STK32B: variants seen among roughly 807,000 people sequenced by gnomAD.
STK32B encodes serine/threonine kinase 32B, also known as serine/threonine-protein kinase 32B.
A neutral mutation model predicts 52.6 loss-of-function variants in STK32B; 43 were observed. That is an observed-to-expected ratio of 0.82 (90% confidence interval 0.64 to 1.05). The LOEUF is 1.05. Ranked by LOEUF, STK32B falls within the 50% of genes least tolerant of loss-of-function variation. The pLI is 0.00. For missense variants in STK32B, 621 were observed against 534.6 expected (o/e 1.16, Z -1.59); for synonymous variants, 238 against 204.3 (o/e 1.17, Z -1.41).
At chr4:5,170,196 C>A (rs564186598) in intron 3 of STK32B, among the ~76,000 whole-genome samples, 4 of 152,278 alleles carry the variant, frequency 2.6e-5, no homozygotes, top group African/African-American at 7.2e-5. Context: ...TCAGGTGGGA[C>A]TCCTTAAGGT....
chr4:5,128,049 A>G (rs1213221257), intron 1 of STK32B, among the ~76,000 whole-genome samples: 1 of 152,146 alleles, frequency 6.6e-6, no homozygotes, highest in Non-Finnish European at 1.5e-5. Flanking sequence ...TTCCTTTATA[A>G]ATTACCCAGT....
At chr4:5,279,848 C>T (rs867200478) in intron 3 of STK32B, among the ~76,000 whole-genome samples, 19 of 152,172 alleles carry the variant, frequency 1.2e-4, no homozygotes, top group African/African-American at 4.6e-4. Context: ...TACCTTTGCC[C>T]CTTTTAGTCA....
intron 3 of STK32B, among the ~76,000 whole-genome samples, chr4:5,174,176 A>G (rs992180335): frequency 6.6e-6 from 1 of 151,808 alleles, no homozygotes; most frequent in African/African-American, 2.4e-5. Flanking sequence ...CCATCTTTCT[A>G]TTTTGAGCCT....
intron 3 of STK32B, among the ~76,000 whole-genome samples, chr4:5,196,949 C>T (rs1721728619): frequency 6.6e-6 from 1 of 151,976 alleles, no homozygotes; most frequent in South Asian, 2.1e-4. Context: ...ATATGATGCC[C>T]CGTCCTCTCC....
intron 1 of STK32B, among the ~76,000 whole-genome samples, chr4:5,087,554 A>G (rs1418381316): frequency 6.6e-6 from 1 of 152,068 alleles, no homozygotes; most frequent in Admixed American, 6.5e-5. Context: ...AACTCATTTT[A>G]AATTCCAAGG....
chr4:5,481,266 A>G (rs1450394963), intron 11 of STK32B, among the ~76,000 whole-genome samples: 1 of 152,190 alleles, frequency 6.6e-6, no homozygotes, highest in East Asian at 1.9e-4. Context: ...CTTTTTAATG[A>G]TTGCCATTCT....
At chr4:5,215,734 C>T (rs1167733458) in intron 3 of STK32B, among the ~76,000 whole-genome samples, 2 of 151,980 alleles carry the variant, frequency 1.3e-5, no homozygotes, top group South Asian at 2.1e-4. Context: ...TCCTTTAAAC[C>T]CTCAGAGCAG....
Position 5,499,109 on chromosome 4 carries a change from G to C in STK32B, c.*26G>C. The C allele has an allele frequency of 6.3e-7, 1 of 1,594,264 alleles. No homozygotes were observed. Among genetic ancestry groups the C allele is most frequent in the South Asian group, 1.1e-5 (1 of 87,770 alleles). ...GCCCACACTTGTTGCTGCTCAACAGGACTGCACTCGTCTCTGCCCTGCCCA... is the reference window on the plus strand; with the variant it reads ...GCCCACACTTGTTGCTGCTCAACAGCACTGCACTCGTCTCTGCCCTGCCCA... On this transcript the variant is annotated 3_prime_UTR_variant, in exon 12 of 12. Coordinates refer to ENST00000282908, the MANE Select transcript of STK32B (RefSeq NM_018401.3).
chr4:5,126,298 C>G (rs547174457), intron 1 of STK32B, among the ~76,000 whole-genome samples: 7 of 152,214 alleles, frequency 4.6e-5, no homozygotes, highest in Non-Finnish European at 7.3e-5. Flanking sequence ...TTTTTCTTCT[C>G]TCCCTCCATC....
At chr4:5,293,804 T>A (rs1015135670) in intron 3 of STK32B, among the ~76,000 whole-genome samples, 3 of 152,168 alleles carry the variant, frequency 2.0e-5, no homozygotes, top group African/African-American at 7.2e-5. Context: ...GAGATCTCAT[T>A]TGTTCATTTT....
intron 1 of STK32B, among the ~76,000 whole-genome samples, chr4:5,128,765 C>T (rs1715569616): frequency 6.6e-6 from 1 of 152,210 alleles, no homozygotes; most frequent in Non-Finnish European, 1.5e-5. Context: ...AGAATGGATA[C>T]TGGCCAGGAG....
At chr4:5,135,134 G>A (rs889640007) in intron 1 of STK32B, among the ~76,000 whole-genome samples, 43 of 152,348 alleles carry the variant, frequency 2.8e-4, no homozygotes, top group Admixed American at 2.5e-3. Context: ...AATCAGACCA[G>A]TGTTGTATCA....
chr4:5,402,566 T>G (rs1352722820), intron 5 of STK32B, among the ~76,000 whole-genome samples: 1 of 152,134 alleles, frequency 6.6e-6, no homozygotes, highest in Admixed American at 6.5e-5. Flanking sequence ...GAAGGCAGAG[T>G]CCCTGTGGCC....
chr4:5,101,422 G>A (rs1713782447), intron 1 of STK32B, among the ~76,000 whole-genome samples: 2 of 152,140 alleles, frequency 1.3e-5, no homozygotes, highest in Admixed American at 6.5e-5. Flanking sequence ...AAAAATAAAA[G>A]AAAATTACTT....
intron 3 of STK32B, among the ~76,000 whole-genome samples, chr4:5,330,384 CAAA>C (rs1560325343): frequency 2.6e-5 from 4 of 152,160 alleles, no homozygotes; most frequent in African/African-American, 9.7e-5. Flanking sequence ...TTAGAAAGCC[CAAA>C]TGCATTTTGT....
At chr4:5,298,040 C>T (rs938428275) in intron 3 of STK32B, among the ~76,000 whole-genome samples, 4 of 152,150 alleles carry the variant, frequency 2.6e-5, no homozygotes, top group African/African-American at 7.2e-5. Flanking sequence ...CAGTCAGGCC[C>T]CTCTTCTGCA....
intron 4 of STK32B, among the ~76,000 whole-genome samples, chr4:5,332,199 A>C (rs1023075587): frequency 5.3e-5 from 8 of 152,238 alleles, no homozygotes; most frequent in African/African-American, 1.9e-4. Flanking sequence ...CCATTAAATG[A>C]CAGTAAGGAA....
intron 3 of STK32B, among the ~76,000 whole-genome samples, chr4:5,171,175 T>G (rs6815160): frequency 0.26 from 39,758 of 151,364 alleles, 5,478 homozygotes; most frequent in East Asian, 0.36. Context: ...TCTTGTAAAT[T>G]TGTTTGAGTT....
intron 2 of STK32B, among the ~76,000 whole-genome samples, chr4:5,156,488 A>G (rs557290658): frequency 6.6e-6 from 1 of 152,084 alleles, no homozygotes; most frequent in African/African-American, 2.4e-5. Flanking sequence ...TTCACTCTCC[A>G]TTGGCTCCTC....
Sources: gnomAD v4.1 joint callset for allele counts (sites outside exome capture counted in the v4.1 genomes callset) on GRCh38, gnomAD v4.1.1 for gene constraint, MANE v1.5 for transcripts, NCBI Gene and HGNC (gene_info 2026-07-23, HGNC 2026-07-21) for gene names.